The following COX7A2L variants were observed in gnomAD, a reference collection of about 807,000 sequenced individuals.
The protein encoded by COX7A2L is cytochrome c oxidase subunit 7A2-like, mitochondrial.
COX7A2L carries 18 observed loss-of-function variants against 14.2 expected under a neutral mutation model. The observed-to-expected ratio is 1.27, with a 90% confidence interval of 0.88 to 1.88. COX7A2L has a LOEUF of 1.88. Ranked by LOEUF, COX7A2L falls within the 40% of genes most tolerant of loss-of-function variation. COX7A2L has a pLI of 0.00. For synonymous variants in COX7A2L, 65 were observed against 57.4 expected (o/e 1.13, Z -0.60); for missense variants, 179 against 138.8 (o/e 1.29, Z -1.46).
intron 1 of COX7A2L, among the ~76,000 whole-genome samples, chr2:42,368,273 C>T (rs1446055140): frequency 1.3e-5 from 2 of 152,158 alleles, no homozygotes; most frequent in African/African-American, 2.4e-5. Flanking sequence ...TCCTTCCTGT[C>T]CCCAGCTCTC....
downstream of COX7A2L, among the ~76,000 whole-genome samples, chr2:42,345,369 G>A (rs768390110): frequency 6.6e-6 from 1 of 152,084 alleles, no homozygotes; most frequent in Non-Finnish European, 1.5e-5. Context: ...GGTGACAAAA[G>A]CAAAGCTCTG....
intron 1 of COX7A2L, among the ~76,000 whole-genome samples, chr2:42,368,596 T>C (rs1340779675): frequency 6.6e-6 from 1 of 152,234 alleles, no homozygotes; most frequent in African/African-American, 2.4e-5. Flanking sequence ...GGCTTATGTA[T>C]CTGCCACAAG....
At chr2:42,360,574 A>G (rs1278174640) in intron 1 of COX7A2L, among the ~76,000 whole-genome samples, 1 of 152,126 alleles carries the variant, frequency 6.6e-6, no homozygotes, top group Non-Finnish European at 1.5e-5. Flanking sequence ...CCCTCCCTGG[A>G]CGTGTTAAGT....
upstream of COX7A2L, among the ~76,000 whole-genome samples, chr2:42,364,166 GC>G (rs766954040): frequency 3.4e-4 from 51 of 151,524 alleles, no homozygotes; most frequent in Non-Finnish European, 6.0e-4. Context: ...CAGGAGAATG[GC>G]GTGAACCCGG....
At chr2:42,354,043 G>A (rs573412916) in intron 1 of COX7A2L, among the ~76,000 whole-genome samples, 9 of 152,168 alleles carry the variant, frequency 5.9e-5, no homozygotes, top group Non-Finnish European at 1.0e-4. Flanking sequence ...AGAGGGAACC[G>A]CAGAGACAGA....
intron 1 of COX7A2L, among the ~76,000 whole-genome samples, chr2:42,358,834 T>C (rs1670915920): frequency 6.6e-6 from 1 of 152,116 alleles, no homozygotes; most frequent in Admixed American, 6.5e-5. Flanking sequence ...GCTGAAGATA[T>C]ATTAAAAGAA....
rs191498238 is a variant in COX7A2L at position 42,352,811 on chromosome 2, A to C, written c.204+401T>G. Reference sequence around the variant, plus strand: ...TTCAGCAATAGCTCAGTGAATTTTAATATCAAGCAAGCAAAAAACAATGAG... The same window carrying C: ...TTCAGCAATAGCTCAGTGAATTTTACTATCAAGCAAGCAAAAAACAATGAG... On this transcript the variant is annotated intron_variant, in intron 2 of 2. Transcript: ENST00000234301. The C allele has an allele frequency of 1.5e-4, 33 of 217,604 alleles. 1 individual carries two copies. The East Asian group carries it at 3.1e-3, about 21-fold the overall frequency. 13.5% of individuals were successfully genotyped at this position (217,604 alleles called of 1,614,324 possible).
At chr2:42,351,572 G>A (rs1409141291) in intron 2 of COX7A2L, among the ~76,000 whole-genome samples, 1 of 152,208 alleles carries the variant, frequency 6.6e-6, no homozygotes, top group African/African-American at 2.4e-5. Context: ...GCCTCAGGAA[G>A]CATGCATGCA....
chr2:42,340,464 T>G (rs927827638), intron 2 of COX7A2L, among the ~76,000 whole-genome samples: 1 of 152,102 alleles, frequency 6.6e-6, no homozygotes, highest in Admixed American at 6.5e-5. Flanking sequence ...AACAAAAACA[T>G]CCTTGCTGGA....
intron 2 of COX7A2L, among the ~76,000 whole-genome samples, chr2:42,343,189 C>T (rs1670433705): frequency 6.6e-6 from 1 of 152,208 alleles, no homozygotes; most frequent in African/African-American, 2.4e-5. Flanking sequence ...CCACCACACC[C>T]ACCCGGGCAG....
downstream of COX7A2L, among the ~76,000 whole-genome samples, chr2:42,345,122 C>T (rs1022330981): frequency 6.6e-6 from 1 of 152,138 alleles, no homozygotes; most frequent in Non-Finnish European, 1.5e-5. Flanking sequence ...GTGGCTCACA[C>T]CTGTAATCCC....
chr2:42,346,809 TC>T (rs1324107910), downstream of COX7A2L, among the ~76,000 whole-genome samples: 1 of 152,204 alleles, frequency 6.6e-6, no homozygotes, highest in Non-Finnish European at 1.5e-5. Context: ...ATGTTGAATA[TC>T]TTTTTTAAAA....
At chr2:42,366,097 T>C (rs1047774393), upstream of COX7A2L, among the ~76,000 whole-genome samples, 2 of 152,150 alleles carry the variant, frequency 1.3e-5, no homozygotes, top group Admixed American at 1.3e-4. Context: ...AGTAGAACTT[T>C]TTGTCTATAG....
chr2:42,367,406 T>C (rs1196519356), intron 1 of COX7A2L, among the ~76,000 whole-genome samples: 1 of 152,026 alleles, frequency 6.6e-6, no homozygotes, highest in Non-Finnish European at 1.5e-5. Flanking sequence ...GATTCCAAAA[T>C]GGCTAACTTG....
intron 1 of COX7A2L, among the ~76,000 whole-genome samples, chr2:42,357,364 A>C (rs1350134298): frequency 6.6e-6 from 1 of 152,206 alleles, no homozygotes; most frequent in Non-Finnish European, 1.5e-5. Flanking sequence ...GCTGGAGTGC[A>C]ACGCATTGAT....
intron 2 of COX7A2L, among the ~76,000 whole-genome samples, chr2:42,344,096 T>G (rs1670450737): frequency 6.6e-6 from 1 of 152,204 alleles, no homozygotes; most frequent in Admixed American, 6.5e-5. Flanking sequence ...AAAAAAAAAT[T>G]TACATCTATG....
Position 42,352,811 on chromosome 2 carries a change from A to G in COX7A2L, c.204+401T>C, listed in dbSNP as rs191498238. ...TTCAGCAATAGCTCAGTGAATTTTA[A>G]TATCAAGCAAGCAAAAAACAATGAG... is the stretch of plus-strand genomic sequence containing the variant. On this transcript the variant is annotated intron_variant, in intron 2 of 2. Transcript: ENST00000234301. 39 of 217,606 alleles carry G rather than the reference A, an allele frequency of 1.8e-4. No homozygotes were observed. The South Asian group carries it at 2.8e-3, about 16-fold the overall frequency. 13.5% of individuals were successfully genotyped at this position (217,606 alleles called of 1,614,324 possible).
chr2:42,353,711 A>G (rs1385970032), intron 1 of COX7A2L, among the ~76,000 whole-genome samples: 1 of 152,224 alleles, frequency 6.6e-6, no homozygotes, highest in African/African-American at 2.4e-5. Context: ...AGACTTCAGA[A>G]ACTTTTCCAG....
At chr2:42,356,456 C>T (rs1278129381) in intron 1 of COX7A2L, among the ~76,000 whole-genome samples, 6 of 152,122 alleles carry the variant, frequency 3.9e-5, no homozygotes, top group Admixed American at 3.3e-4. Flanking sequence ...GAAAAGCAAC[C>T]GGCAGAGTAA....
Sources: allele counts gnomAD v4.1 joint callset (sites outside exome capture counted in the v4.1 genomes callset), GRCh38; gene constraint gnomAD v4.1.1; transcripts MANE v1.5; gene names NCBI Gene and HGNC (gene_info 2026-07-23, HGNC 2026-07-21).